Variants in ZNF490 observed in about 807,000 individuals in gnomAD.
The protein encoded by ZNF490 is zinc finger protein 490.
ZNF490 carries 11 observed loss-of-function variants against 17.7 expected under a neutral mutation model. The ratio of observed to expected loss-of-function variants is 0.62; its 90% CI spans 0.39 to 1.03. The LOEUF is 1.03. ZNF490 is among the 50% of genes least tolerant of loss of function. The pLI, the probability that ZNF490 is intolerant of heterozygous loss-of-function variation, is 0.00. For synonymous variants in ZNF490, 222 were observed against 216.1 expected, an observed-to-expected ratio of 1.03 and a Z score of -0.24; for missense variants, 542 against 643.4, an observed-to-expected ratio of 0.84 and a Z score of 1.71.
chr19:12,609,752 T>A (rs955907192), intron 1 of ZNF490: 8 of 294,026 alleles, frequency 2.7e-5, no homozygotes, highest in African/African-American at 1.8e-4. Flanking sequence ...AAACTGCATC[T>A]TCTTACATAT....
At chr19:12,601,433 C>T (rs1463217754) in intron 2 of ZNF490, among the ~76,000 whole-genome samples, 1 of 151,776 alleles carries the variant, frequency 6.6e-6, no homozygotes, top group Non-Finnish European at 1.5e-5. Context: ...ACTCTGTCAC[C>T]CAGGCTAGAC....
chr19:12,577,370 A>G lies in ZNF490; in HGVS notation c.*3115T>C. ...GATGGCTCCTTGAGCCCATTCTGAC[A>G]GTGAAGGAATCTCGAACTTCCTGAC... is the stretch of plus-strand genomic sequence containing the variant. On this transcript the variant is annotated 3_prime_UTR_variant, in exon 5 of 5. Transcript: ENST00000311437. 1.1e-6 allele frequency: 1 copy of G among 924,638 alleles called. No individual in the cohort carries two copies. The highest frequency in any genetic ancestry group is 1.3e-6 in the Non-Finnish European group (1 of 774,496). The allele number at this position is 924,638 out of a possible 1,614,324, so 57.3% of individuals were successfully genotyped here.
chr19:12,589,665 C>A, intron 2 of ZNF490, among the ~76,000 whole-genome samples: 1 of 148,942 alleles, frequency 6.7e-6, no homozygotes, highest in East Asian at 2.0e-4. Flanking sequence ...TAGCCTCAAA[C>A]TGGTGGGCTC....
rs900710019 is a variant in ZNF490 at position 12,576,237 on chromosome 19, G to A, written c.*4248C>T. Reference sequence around the variant, plus strand: ...AATGCAAGCATTCCAGCCGGGCCTGGTGGCTCAAGCCTCTAATCCCAGCAC... The same window carrying A: ...AATGCAAGCATTCCAGCCGGGCCTGATGGCTCAAGCCTCTAATCCCAGCAC... On this transcript the variant is annotated 3_prime_UTR_variant, in exon 5 of 5. Coordinates refer to ENST00000311437, the MANE Select transcript of ZNF490 (RefSeq NM_020714.3). Among the ~76,000 whole-genome samples, 1 of 152,190 alleles carries A rather than the reference G, an allele frequency of 6.6e-6. No homozygotes were observed. The highest frequency in any genetic ancestry group is 1.5e-5 in the Non-Finnish European group (1 of 68,034).
intron 2 of ZNF490, among the ~76,000 whole-genome samples, chr19:12,596,521 T>C (rs1218578476): frequency 6.6e-6 from 1 of 151,700 alleles, no homozygotes; most frequent in East Asian, 2.0e-4. Flanking sequence ...ATCTACAAAA[T>C]AAAAATTTGA....
intron 2 of ZNF490, among the ~76,000 whole-genome samples, chr19:12,602,079 TACACACACAC>T (rs61568541): frequency 0.02 from 1,343 of 68,640 alleles, 34 homozygotes; most frequent in African/African-American, 0.044. Flanking sequence ...GTTCACTATA[TACACACACAC>T]ACACACACAC....
intron 2 of ZNF490, among the ~76,000 whole-genome samples, chr19:12,598,935 C>T (rs1028628061): frequency 8.7e-5 from 13 of 149,736 alleles, no homozygotes; most frequent in Admixed American, 2.0e-4. Context: ...TGCGGTGAGC[C>T]GAGACTGCAT....
In ZNF490 at chr19:12,580,989, A is replaced by G. The variant is rs769971579; in HGVS notation, c.1086T>C (p.Tyr362=). ...AGGCTTCCCCACATTTCTTACATGT[A>G]TAAGGTTGAACTCCGGTGTGGGTTT... ...HVKTHTGVQP[Y]TCKKCGEAFK... The change falls in exon 5 of 5, where the codon TAT becomes TAC. Residue 362 remains tyrosine, a synonymous_variant. Coordinates refer to ENST00000311437, the MANE Select transcript of ZNF490 (RefSeq NM_020714.3). 8 of 1,614,070 alleles carry G rather than the reference A, an allele frequency of 5.0e-6. No homozygotes were observed. In the East Asian group the frequency reaches 1.3e-4, roughly 27 times the overall value.
At chr19:12,604,525 T>C (rs560757243) in intron 2 of ZNF490, among the ~76,000 whole-genome samples, 1 of 152,068 alleles carries the variant, frequency 6.6e-6, no homozygotes, top group Non-Finnish European at 1.5e-5. Flanking sequence ...TAGCTGGGCA[T>C]GGTGGCATGG....
rs202099421 is a variant in ZNF490 at position 12,580,485 on chromosome 19, T to C, written c.1590A>G (p.Ter530=). ...GACAGCATTACCACACTTTACTTTC[T>C]TAGGGCTTCTGTCTACTATGAGTCC... is the stretch of plus-strand genomic sequence containing the variant. The part of the protein sequence containing the change: ...HERTHSRQKP[*] The change falls in exon 5 of 5, where the codon TAA becomes TAG. Residue 530 remains the stop codon, a stop_retained_variant. Coordinates refer to ENST00000311437, the MANE Select transcript of ZNF490 (RefSeq NM_020714.3). 93 of 1,578,634 alleles carry C rather than the reference T, an allele frequency of 5.9e-5. No homozygotes were observed. The Admixed American group carries it at 1.7e-3, about 29-fold the overall frequency.
chr19:12,577,947 G>C lies in ZNF490; in HGVS notation c.*2538C>G. ...TCGTGCCTATGCAATTCAGAAAACGGAGAATTCGGAGGCTCCAGCAAGCAG... is the reference window on the plus strand; with the variant it reads ...TCGTGCCTATGCAATTCAGAAAACGCAGAATTCGGAGGCTCCAGCAAGCAG... On this transcript the variant is annotated 3_prime_UTR_variant, in exon 5 of 5. Transcript: ENST00000311437. 2 of 985,454 alleles carry C rather than the reference G, an allele frequency of 2.0e-6. No homozygotes were observed. Among genetic ancestry groups the C allele is most frequent in the Non-Finnish European group, 2.4e-6 (2 of 829,956 alleles). 61.0% of individuals were successfully genotyped at this position (985,454 alleles called of 1,614,324 possible).
In ZNF490 at chr19:12,581,719, G is replaced by C; in HGVS notation, c.356C>G (p.Pro119Arg). Residue 119 changes from proline (P) to arginine (R), a missense_variant, in exon 5 of 5, where the codon CCT (proline) becomes CGT (arginine). By Grantham distance (103) the Pro-to-Arg change is moderately radical. Coordinates refer to ENST00000311437, the MANE Select transcript of ZNF490 (RefSeq NM_020714.3). ...ATTTTCACAGAGTGCTTCAACCATA[G>C]GACTTCTGTAAAGAATGAGTACCGT... is the stretch of plus-strand genomic sequence containing the variant. ...HKNQGRNLRS[P>R]MVEALCENKE... 1 of 1,603,964 alleles carries C rather than the reference G, an allele frequency of 6.2e-7. No individual in the cohort carries two copies. The highest frequency in any genetic ancestry group is 8.5e-7 in the Non-Finnish European group (1 of 1,174,900).
intron 4 of ZNF490, 73 bp downstream of exon 4, chr19:12,582,777 G>T: frequency 3.2e-6 from 4 of 1,250,580 alleles, no homozygotes; most frequent in Non-Finnish European, 4.6e-6. Flanking sequence ...TGTTTTGCTT[G>T]CTTGGCTTTT....
At chr19:12,591,832 CAAA>C (rs796408387) in intron 2 of ZNF490, among the ~76,000 whole-genome samples, 2 of 106,808 alleles carry the variant, frequency 1.9e-5, no homozygotes. Context: ...CAGACAGTTA[CAAA>C]AAAAAAAAAA....
intron 2 of ZNF490, among the ~76,000 whole-genome samples, chr19:12,604,040 G>A (rs897014667): frequency 6.6e-6 from 1 of 152,188 alleles, no homozygotes; most frequent in African/African-American, 2.4e-5. Context: ...AGGGAGGGAA[G>A]AGAAAACTGA....
chr19:12,578,087 G>A lies in ZNF490; in HGVS notation c.*2398C>T, dbSNP rs2022670312. ...CAACAGAGCTGGAGCGCTGCAGGGT[G>A]GGTCCTTTTCCAAGAAGAGCTAAGT... On this transcript the variant is annotated 3_prime_UTR_variant, in exon 5 of 5. Transcript: ENST00000311437. 1.0e-6 allele frequency: 1 copy of A among 985,466 alleles called. No individual in the cohort carries two copies. The allele number at this position is 985,466 out of a possible 1,614,324, so 61.0% of individuals were successfully genotyped here.
At chr19:12,610,412 G>A (rs1887722818) in intron 1 of ZNF490, 152 bp downstream of exon 1, 1 of 677,354 alleles carries the variant, frequency 1.5e-6, no homozygotes, top group South Asian at 1.8e-5. Flanking sequence ...GTGGAGGTGG[G>A]GAAAAGAAAG....
Position 12,602,852 on chromosome 19 carries a change from C to T in ZNF490, c.162+6306G>A, listed in dbSNP as rs529414484. Among the ~76,000 whole-genome samples, 3 of 152,086 alleles carry T rather than the reference C, an allele frequency of 2.0e-5. No individual in the cohort carries two copies. In the South Asian group the frequency reaches 6.2e-4, roughly 32 times the overall value. ...TGTTGGCCAGGCTGGTCTCAAACTC[C>T]TGGGCTCATGCAATCCACCTGCCTC... On this transcript the variant is annotated intron_variant, in intron 2 of 4. Transcript: ENST00000311437.
At chr19:12,607,764 A>G in intron 2 of ZNF490, among the ~76,000 whole-genome samples, 1 of 151,904 alleles carries the variant, frequency 6.6e-6, no homozygotes, top group Middle Eastern at 3.4e-3. Flanking sequence ...ACAAACAAGA[A>G]CAGCATAGCA....
Sources: allele counts gnomAD v4.1 joint callset (sites outside exome capture counted in the v4.1 genomes callset), GRCh38; gene constraint gnomAD v4.1.1; transcripts MANE v1.5; gene names NCBI Gene and HGNC (gene_info 2026-07-23, HGNC 2026-07-21).